ARHGAP6: variants seen among roughly 807,000 people sequenced by gnomAD.
The protein encoded by ARHGAP6 is Rho GTPase activating protein 6.
In ARHGAP6, 16 loss-of-function variants were observed where a neutral mutation model predicts 55.7. The observed-to-expected ratio is 0.29, with a 90% CI of 0.19 to 0.44. The LOEUF is 0.44. Among genes scored for constraint, ARHGAP6 ranks in the 20% least tolerant of loss-of-function variants. The probability of loss-of-function intolerance (pLI) is 1.00; values close to 1 mark genes in which losing one functional copy is unlikely to be tolerated. For missense variants in ARHGAP6, 698 were observed against 808.9 expected, an observed-to-expected ratio of 0.86 and a Z score of 1.66; for synonymous variants, 382 against 360.9, an observed-to-expected ratio of 1.06 and a Z score of -0.66.
intron 1 of ARHGAP6, among the ~76,000 whole-genome samples, chrX:11,504,389 T>C (rs1238804475): frequency 9.0e-6 from 1 of 110,802 alleles, no homozygotes; most frequent in Non-Finnish European, 1.9e-5. Flanking sequence ...CCTGACCTCT[T>C]CCCCCCAGGT....
chrX:11,335,981 A>G (rs1294601113), intron 1 of ARHGAP6: 1 of 118,122 alleles, frequency 8.5e-6, no homozygotes, highest in Non-Finnish European at 1.7e-5. Flanking sequence ...ACCAGGGGGC[A>G]TGGACTCCTG....
At position 11,174,441 on chromosome X, in the gene ARHGAP6, T is replaced by C. The variant is rs200623357; in HGVS notation, c.1629+3659A>G. 6.9e-4 allele frequency among the ~76,000 whole-genome samples: 77 copies of C among 111,093 alleles called. 2 individuals carry two copies. The East Asian group carries it at 0.013, about 18-fold the overall frequency. On this transcript the variant is annotated intron_variant, in intron 8 of 12. Transcript: ENST00000337414. ...CAGTCATTAGAAAATTTCTGAGCAA[T>C]AGTCGTTGGTTTACAGGAACCTAGG...
intron 8 of ARHGAP6, among the ~76,000 whole-genome samples, chrX:11,176,296 CATGCATAT>C (rs2046218254): frequency 7.2e-5 from 1 of 13,909 alleles, no homozygotes; most frequent in Non-Finnish European, 1.6e-4. Flanking sequence ...TATGTATTTG[CATGCATAT>C]ATATATATAT....
chrX:11,356,901 T>G (rs2048937056), intron 1 of ARHGAP6, among the ~76,000 whole-genome samples: 1 of 112,123 alleles, frequency 8.9e-6, no homozygotes, highest in Admixed American at 9.5e-5. Context: ...CCATATTGCC[T>G]GGACCCAGAA....
chrX:11,460,406 C>T (rs925722886), intron 1 of ARHGAP6, among the ~76,000 whole-genome samples: 3 of 111,569 alleles, frequency 2.7e-5, no homozygotes, highest in African/African-American at 6.5e-5. Context: ...CTGGCTGATA[C>T]GTTCACTTAG....
intron 1 of ARHGAP6, among the ~76,000 whole-genome samples, chrX:11,479,566 T>G (rs1171922541): frequency 8.9e-6 from 1 of 112,172 alleles, no homozygotes; most frequent in African/African-American, 3.2e-5. Flanking sequence ...GTTCATGACC[T>G]GTGCACACAG....
At chrX:11,297,601 C>G (rs1169795302) in intron 1 of ARHGAP6, among the ~76,000 whole-genome samples, 2 of 111,629 alleles carry the variant, frequency 1.8e-5, no homozygotes, top group Non-Finnish European at 3.8e-5. Context: ...ATATACTGTT[C>G]AGAAAGGAAT....
chrX:11,375,636 G>A, intron 1 of ARHGAP6, among the ~76,000 whole-genome samples: 1 of 112,107 alleles, frequency 8.9e-6, no homozygotes, highest in East Asian at 2.8e-4. Context: ...TGTAGATGTG[G>A]ATTGTGATTC....
At chrX:11,629,019 G>GTGTA (rs757567000) in intron 1 of ARHGAP6, among the ~76,000 whole-genome samples, 3 of 99,578 alleles carry the variant, frequency 3.0e-5, no homozygotes, top group South Asian at 8.3e-4. Flanking sequence ...GTGTGTGTGT[G>GTGTA]TATACACGAG....
At chrX:11,244,954 C>T (rs186359282) in intron 2 of ARHGAP6, among the ~76,000 whole-genome samples, 1 of 112,420 alleles carries the variant, frequency 8.9e-6, no homozygotes, top group Non-Finnish European at 1.9e-5. Context: ...CCCACACCTG[C>T]TTGGCACCAA....
intron 1 of ARHGAP6, among the ~76,000 whole-genome samples, chrX:11,653,645 T>A (rs1376462356): frequency 8.9e-6 from 1 of 112,337 alleles, no homozygotes; most frequent in African/African-American, 3.2e-5. Flanking sequence ...AATTATGACA[T>A]GAAATCCTCA....
At chrX:11,295,621 T>TCTCTTC (rs1191883984) in intron 1 of ARHGAP6, among the ~76,000 whole-genome samples, 1 of 110,628 alleles carries the variant, frequency 9.0e-6, no homozygotes, top group Non-Finnish European at 1.9e-5. Context: ...CCTTGCCTCC[T>TCTCTTC]CTCTTCCTCT....
At chrX:11,216,295 A>C (rs1343868590) in intron 2 of ARHGAP6, among the ~76,000 whole-genome samples, 1 of 111,549 alleles carries the variant, frequency 9.0e-6, no homozygotes. Context: ...GCTGAAATCG[A>C]TGCGGAAGAC....
intron 1 of ARHGAP6, among the ~76,000 whole-genome samples, chrX:11,369,603 A>G (rs1462395835): frequency 2.7e-5 from 3 of 112,007 alleles, no homozygotes; most frequent in Admixed American, 9.5e-5. Context: ...ATGAGATACA[A>G]AGAATAACAA....
At chrX:11,377,707 T>G (rs1242424538) in intron 1 of ARHGAP6, among the ~76,000 whole-genome samples, 1 of 111,819 alleles carries the variant, frequency 8.9e-6, no homozygotes, top group Non-Finnish European at 1.9e-5. Flanking sequence ...TAGTAGAATT[T>G]GCTACCATTC....
chrX:11,606,429 G>C (rs777467694), intron 1 of ARHGAP6, among the ~76,000 whole-genome samples: 1 of 111,658 alleles, frequency 9.0e-6, no homozygotes, highest in East Asian at 2.8e-4. Context: ...TCCACTTATT[G>C]ATAGTGTGTA....
intron 1 of ARHGAP6, among the ~76,000 whole-genome samples, chrX:11,385,173 C>T (rs1454883162): frequency 9.0e-6 from 1 of 111,356 alleles, no homozygotes; most frequent in East Asian, 2.8e-4. Context: ...AAATCTCTGA[C>T]TGAAAACCCC....
At chrX:11,608,845 C>T (rs911616242) in intron 1 of ARHGAP6, among the ~76,000 whole-genome samples, 5 of 111,488 alleles carry the variant, frequency 4.5e-5, no homozygotes, top group Admixed American at 9.5e-5. Flanking sequence ...GAGGCCTCCC[C>T]AGCCATGTGG....
At chrX:11,377,261 A>G (rs1868335808) in intron 1 of ARHGAP6, among the ~76,000 whole-genome samples, 1 of 112,587 alleles carries the variant, frequency 8.9e-6, no homozygotes, top group Non-Finnish European at 1.9e-5. Flanking sequence ...AATTGAATCA[A>G]GAACACAGAA....
Sources: gnomAD v4.1 joint callset for allele counts (sites outside exome capture counted in the v4.1 genomes callset) on GRCh38, gnomAD v4.1.1 for gene constraint, MANE v1.5 for transcripts, NCBI Gene and HGNC (gene_info 2026-07-23, HGNC 2026-07-21) for gene names.